The following GAS2 variants were observed in gnomAD, a reference collection of about 807,000 sequenced individuals.
The protein encoded by GAS2 is growth arrest specific 2, also known as growth arrest-specific protein 2.
In GAS2, 20 loss-of-function variants were observed where a neutral mutation model predicts 37.5. The ratio of observed to expected loss-of-function variants is 0.53; its 90% CI spans 0.37 to 0.77. The LOEUF (loss-of-function observed/expected upper bound fraction) is 0.77. Among genes scored for constraint, GAS2 ranks in the 30% least tolerant of loss-of-function variants. The pLI is 0.00. For missense variants in GAS2, 336 were observed against 373.4 expected, an observed-to-expected ratio of 0.90 and a Z score of 0.82; for synonymous variants, 144 against 132.2, an observed-to-expected ratio of 1.09 and a Z score of -0.61.
chr11:22,798,564 AT>A (rs1305650964), intron 7 of GAS2, among the ~76,000 whole-genome samples: 1 of 152,080 alleles, frequency 6.6e-6, no homozygotes, highest in East Asian at 1.9e-4. Flanking sequence ...TTAAAATGAG[AT>A]AGTAAATAAG....
intron 7 of GAS2, among the ~76,000 whole-genome samples, chr11:22,787,037 C>G (rs1166212097): frequency 6.6e-6 from 1 of 152,054 alleles, no homozygotes; most frequent in Non-Finnish European, 1.5e-5. Context: ...TTTCATTTCC[C>G]CACATGAATT....
intron 3 of GAS2, among the ~76,000 whole-genome samples, chr11:22,719,298 A>T (rs1010523815): frequency 1.3e-5 from 2 of 152,094 alleles, no homozygotes; most frequent in African/African-American, 4.8e-5. Context: ...TGTACCCTTG[A>T]CTAACATCTC....
intron 1 of GAS2, among the ~76,000 whole-genome samples, chr11:22,652,729 C>T (rs12285482): frequency 0.016 from 2,448 of 152,326 alleles, 87 homozygotes; most frequent in African/African-American, 0.055. Flanking sequence ...AAAGGGAACT[C>T]CCTGACCCCT....
At chr11:22,640,913 G>A (rs971499421) in intron 1 of GAS2, among the ~76,000 whole-genome samples, 1 of 152,066 alleles carries the variant, frequency 6.6e-6, no homozygotes, top group African/African-American at 2.4e-5. Flanking sequence ...ATTCAAATTA[G>A]TGTGTCCTAA....
intron 5 of GAS2, among the ~76,000 whole-genome samples, chr11:22,738,538 C>G (rs1852877333): frequency 6.6e-6 from 1 of 152,084 alleles, no homozygotes; most frequent in Non-Finnish European, 1.5e-5. Context: ...ATTAAAAATT[C>G]AAGATTAATT....
intron 5 of GAS2, among the ~76,000 whole-genome samples, chr11:22,739,445 G>A (rs1852937840): frequency 6.6e-6 from 1 of 151,542 alleles, no homozygotes; most frequent in African/African-American, 2.4e-5. Context: ...GTGGTGGTGG[G>A]CGCCTGTTGT....
At chr11:22,795,097 T>G (rs1856362688) in intron 7 of GAS2, among the ~76,000 whole-genome samples, 1 of 152,200 alleles carries the variant, frequency 6.6e-6, no homozygotes, top group South Asian at 2.1e-4. Flanking sequence ...TATTTATGTG[T>G]GTAGTGTGTA....
At chr11:22,773,561 T>C (rs1489995235) in intron 7 of GAS2, among the ~76,000 whole-genome samples, 4 of 151,572 alleles carry the variant, frequency 2.6e-5, no homozygotes, top group Admixed American at 1.3e-4. Flanking sequence ...GCCCGGCTAA[T>C]ATTTTGTATT....
intron 4 of GAS2, among the ~76,000 whole-genome samples, chr11:22,735,355 T>C (rs1417504943): frequency 6.6e-6 from 1 of 150,598 alleles, no homozygotes; most frequent in Non-Finnish European, 1.5e-5. Context: ...AAAAAGGCAA[T>C]ATTTACACAA....
intron 3 of GAS2, among the ~76,000 whole-genome samples, chr11:22,715,986 A>G (rs570631615): frequency 6.6e-6 from 1 of 152,328 alleles, no homozygotes; most frequent in African/African-American, 2.4e-5. Flanking sequence ...CATATCCAAA[A>G]CATAATCCGC....
At chr11:22,680,685 C>T (rs950209625) in intron 2 of GAS2, among the ~76,000 whole-genome samples, 13 of 152,088 alleles carry the variant, frequency 8.5e-5, no homozygotes, top group African/African-American at 2.9e-4. Context: ...CATTTTTCAG[C>T]ACCACAATCT....
At chr11:22,671,004 A>G (rs1849176812) in intron 1 of GAS2, among the ~76,000 whole-genome samples, 2 of 152,120 alleles carry the variant, frequency 1.3e-5, no homozygotes, top group Admixed American at 6.5e-5. Flanking sequence ...GTCAAAGAAC[A>G]CCTCTAGGTG....
intron 1 of GAS2, 61 bp downstream of exon 1, chr11:22,666,960 G>A (rs1429835768): frequency 6.6e-6 from 1 of 152,318 alleles, no homozygotes; most frequent in African/African-American, 2.4e-5. Flanking sequence ...GCGCACCGCA[G>A]CCGGGGCTCA....
At chr11:22,755,024 G>C (rs1371839183) in intron 6 of GAS2, among the ~76,000 whole-genome samples, 1 of 152,020 alleles carries the variant, frequency 6.6e-6, no homozygotes, top group Non-Finnish European at 1.5e-5. Context: ...AGACAGAGTG[G>C]GTGGTTCCCC....
chr11:22,662,320 G>T (rs535241423), upstream of GAS2, among the ~76,000 whole-genome samples: 5 of 152,256 alleles, frequency 3.3e-5, no homozygotes, highest in East Asian at 9.6e-4. Context: ...ACTATCATTT[G>T]TAATGTTATT....
intron 1 of GAS2, among the ~76,000 whole-genome samples, chr11:22,642,420 A>G (rs548292814): frequency 6.6e-6 from 1 of 152,330 alleles, no homozygotes; most frequent in South Asian, 2.1e-4. Context: ...GTATTAATTT[A>G]GACTGATGCC....
At chr11:22,669,377 A>G (rs1457379701) in intron 1 of GAS2, among the ~76,000 whole-genome samples, 1 of 152,222 alleles carries the variant, frequency 6.6e-6, no homozygotes, top group Non-Finnish European at 1.5e-5. Context: ...ATGTTTTAGT[A>G]TGATTTCTTT....
upstream of GAS2, among the ~76,000 whole-genome samples, chr11:22,663,392 C>A: frequency 6.7e-6 from 1 of 148,266 alleles, no homozygotes; most frequent in African/African-American, 2.5e-5. Flanking sequence ...AACGCCACTG[C>A]AATAGCCCTT....
chr11:22,709,689 C>T (rs1028181603), intron 3 of GAS2, among the ~76,000 whole-genome samples: 30 of 152,156 alleles, frequency 2.0e-4, no homozygotes, highest in Non-Finnish European at 3.2e-4. Context: ...ATAAATCATG[C>T]TGCTATAAAG....
Sources: allele counts gnomAD v4.1 joint callset (sites outside exome capture counted in the v4.1 genomes callset), GRCh38; gene constraint gnomAD v4.1.1; transcripts MANE v1.5; gene names NCBI Gene and HGNC (gene_info 2026-07-23, HGNC 2026-07-21).